Variants in CFAP92 observed in about 807,000 individuals in gnomAD.
The protein encoded by CFAP92 is uncharacterized protein CFAP92.
Under a neutral mutation model 106.3 loss-of-function variants are expected in CFAP92, and 86 were observed. The ratio of observed to expected loss-of-function variants is 0.81; its 90% CI spans 0.68 to 0.97. The LOEUF is 0.97. CFAP92 is among the 50% of genes least tolerant of loss of function. The pLI is 0.00. For synonymous variants in CFAP92, 477 were observed against 506.4 expected (o/e 0.94, Z 0.78); for missense variants, 1,204 against 1,283.8 (o/e 0.94, Z 0.95).
chr3:128,947,990 G>A (rs1002269917), intron 9 of CFAP92, among the ~76,000 whole-genome samples: 1 of 152,066 alleles, frequency 6.6e-6, no homozygotes, highest in African/African-American at 2.4e-5. Flanking sequence ...GAAAAAAAAT[G>A]TATAATTTGG....
In CFAP92 at chr3:128,909,986, TAGTG is replaced by T. The variant is rs1936083691; in HGVS notation, c.*309_*312del. On this transcript the variant is annotated 3_prime_UTR_variant, in exon 16 of 16. Coordinates refer to ENST00000645291, the MANE Select transcript of CFAP92 (RefSeq NM_001394090.1). ...GGACCATGTGGGGGACTGGTCTAGGTAGTGAGTCCCCACTTGGAGCCTCTGTGAT... is the reference window on the plus strand; with the variant it reads ...GGACCATGTGGGGGACTGGTCTAGGTAGTCCCCACTTGGAGCCTCTGTGAT... 6.2e-7 allele frequency: 1 copy of T among 1,610,298 alleles called. No individual in the cohort carries two copies. Among genetic ancestry groups the T allele is most frequent in the Non-Finnish European group, 8.5e-7 (1 of 1,178,726 alleles).
the CFAP92 span, among the ~76,000 whole-genome samples, chr3:129,009,880 C>T: frequency 3.3e-5 from 5 of 152,184 alleles, no homozygotes; most frequent in Non-Finnish European, 7.3e-5. Flanking sequence ...TCTGTAACCT[C>T]GCCAACCTGT....
chr3:128,990,649 G>A (rs1057244189), intron 2 of CFAP92, among the ~76,000 whole-genome samples: 3 of 152,046 alleles, frequency 2.0e-5, no homozygotes, highest in East Asian at 1.9e-4. Context: ...TAATTCCAGC[G>A]TTTTGGAAAG....
At chr3:128,947,311 T>G (rs959979933) in intron 9 of CFAP92, among the ~76,000 whole-genome samples, 1 of 152,116 alleles carries the variant, frequency 6.6e-6, no homozygotes, top group Non-Finnish European at 1.5e-5. Context: ...ATGTCAACTC[T>G]CCTCAAACCA....
chr3:128,982,842 A>C (rs1943615478), intron 4 of CFAP92, among the ~76,000 whole-genome samples: 1 of 152,252 alleles, frequency 6.6e-6, no homozygotes, highest in African/African-American at 2.4e-5. Flanking sequence ...GTCAGAACAC[A>C]CACAGCATTT....
chr3:129,019,618 A>T, the CFAP92 span, among the ~76,000 whole-genome samples: 2 of 152,174 alleles, frequency 1.3e-5, no homozygotes, highest in African/African-American at 4.8e-5. Context: ...GTAGATCAGC[A>T]CTGTCCAACT....
upstream of CFAP92, among the ~76,000 whole-genome samples, chr3:129,004,718 T>C (rs75472800): frequency 0.021 from 3,254 of 152,234 alleles, 107 homozygotes; most frequent in African/African-American, 0.072. Context: ...AAGTACTTTA[T>C]GTGGCTTAAC....
chr3:129,003,934 C>CGAGGTGCGGCGGCGCGCGGAG, upstream of CFAP92: 2 of 1,389,338 alleles, frequency 1.4e-6, no homozygotes, highest in Non-Finnish European at 1.9e-6. Flanking sequence ...GTGGCCAGGC[C>CGAGGTGCGGCGGCGCGCGGAG]GAGGTGCGGC....
chr3:128,990,313 A>G (rs912512588), intron 2 of CFAP92, among the ~76,000 whole-genome samples: 1 of 152,252 alleles, frequency 6.6e-6, no homozygotes. Context: ...CCTGGCCAAC[A>G]TGGCGAAACC....
upstream of CFAP92, among the ~76,000 whole-genome samples, chr3:129,005,564 A>C (rs1291462502): frequency 2.0e-5 from 3 of 152,272 alleles, no homozygotes; most frequent in African/African-American, 7.2e-5. Flanking sequence ...TACCCTGGCT[A>C]CAATGTGACA....
In CFAP92 at chr3:128,971,277, C is replaced by A; in HGVS notation, c.1168+10G>T. ...CAGGAGCTGCTGGGAACAGGGCAAGCAGTGGGTACCGGCAAGGAGCGGCAT... is the reference window on the plus strand; with the variant it reads ...CAGGAGCTGCTGGGAACAGGGCAAGAAGTGGGTACCGGCAAGGAGCGGCAT... On this transcript the variant is annotated intron_variant, in intron 8 of 15. Transcript: ENST00000645291. 1 of 1,613,734 alleles carries A rather than the reference C, an allele frequency of 6.2e-7. No homozygotes were observed. Among genetic ancestry groups the A allele is most frequent in the Non-Finnish European group, 8.5e-7 (1 of 1,179,834 alleles).
chr3:128,962,244 G>A (rs574468790), intron 9 of CFAP92, among the ~76,000 whole-genome samples: 7 of 152,186 alleles, frequency 4.6e-5, no homozygotes, highest in Middle Eastern at 3.4e-3. Context: ...CTCTCACAGC[G>A]GAAGGTAAGC....
chr3:129,003,983 C>T (rs1159260893), upstream of CFAP92: 1 of 1,497,640 alleles, frequency 6.7e-7, no homozygotes, highest in Admixed American at 2.1e-5. Context: ...GCTGCGCAGC[C>T]TGCACCGCGT....
At chr3:128,997,562 T>C (rs185800125), upstream of CFAP92, among the ~76,000 whole-genome samples, 92 of 152,366 alleles carry the variant, frequency 6.0e-4, no homozygotes, top group African/African-American at 2.1e-3. Context: ...TCAGACACTG[T>C]GTTCTGGCTT....
At position 128,945,540 on chromosome 3, in the gene CFAP92, C is replaced by T. The variant is rs777371815; in HGVS notation, c.1789G>A (p.Gly597Ser). The change falls in exon 10 of 16, where the codon GGC (glycine) becomes AGC (serine). Residue 597 changes from glycine (G) to serine (S), a missense_variant. Physicochemically the swap from Gly to Ser is moderately conservative, Grantham distance 56. Transcript: ENST00000645291. ...ACCTTCCTTCTCCTGCTGTCCTGGCCGCAGTGTGTGGGCTGAACCTCACAG... is the reference window on the plus strand; with the variant it reads ...ACCTTCCTTCTCCTGCTGTCCTGGCTGCAGTGTGTGGGCTGAACCTCACAG... The part of the protein sequence containing the change: ...HSCEVQPTHC[G>S]QDSRRRKVVG... The T allele has an allele frequency of 2.2e-5, 34 of 1,536,024 alleles. No homozygotes were observed. The highest frequency in any genetic ancestry group is 3.6e-5 in the South Asian group (3 of 84,062).
At chr3:128,946,044 G>T (rs916308284) in intron 9 of CFAP92, 69 bp from the exon 10 acceptor site, 2 of 1,183,264 alleles carry the variant, frequency 1.7e-6, no homozygotes, top group Non-Finnish European at 2.2e-6. Context: ...AGCATGAGGA[G>T]CTCAAATCCC....
In CFAP92 at chr3:128,935,223, G is replaced by A. The variant is rs940590165; in HGVS notation, c.2355C>T (p.Tyr785=). 6.5e-7 allele frequency: 1 copy of A among 1,536,058 alleles called. No individual in the cohort carries two copies. Among genetic ancestry groups the A allele is most frequent in the Non-Finnish European group, 8.7e-7 (1 of 1,146,828 alleles). ...RLYGDLEAIL[Y]HVHLFQPTEL... ...CCGTGGGCTGGAAGAGGTGCACGTG[G>A]TACAGGATGGCCTCCAGGTCCCCAT... Residue 785 remains tyrosine (Y), a synonymous_variant, in exon 11 of 16, where the codon TAC becomes TAT. Coordinates refer to ENST00000645291, the MANE Select transcript of CFAP92 (RefSeq NM_001394090.1).
chr3:128,956,188 AAAAAAAATAAAAAAAAAAT>A (rs1941366790), intron 9 of CFAP92, among the ~76,000 whole-genome samples: 1 of 106,418 alleles, frequency 9.4e-6, no homozygotes, highest in Non-Finnish European at 1.7e-5. Flanking sequence ...ATAAATTAAA[AAAAAAAATAAAAAAAAAAT>A]AAAAAAATAA....
At chr3:129,022,132 C>G in the CFAP92 span, among the ~76,000 whole-genome samples, 1 of 152,148 alleles carries the variant, frequency 6.6e-6, no homozygotes, top group South Asian at 2.1e-4. Flanking sequence ...TTTGTCATAT[C>G]TATATAGAAC....
Sources: gnomAD v4.1 joint callset for allele counts (sites outside exome capture counted in the v4.1 genomes callset) on GRCh38, gnomAD v4.1.1 for gene constraint, MANE v1.5 for transcripts, NCBI Gene and HGNC (gene_info 2026-07-23, HGNC 2026-07-21) for gene names.